Variants in PABPC4L observed in about 807,000 individuals in gnomAD.
The protein encoded by PABPC4L is polyadenylate-binding protein 4-like.
For missense variants in PABPC4L, 452 were observed against 451.4 expected, an observed-to-expected ratio of 1.00 and a Z score of -0.01; for synonymous variants, 169 against 164.1, an observed-to-expected ratio of 1.03 and a Z score of -0.23.
At chr4:134,092,209 T>C in the PABPC4L span, among the ~76,000 whole-genome samples, 1 of 152,008 alleles carries the variant, frequency 6.6e-6, no homozygotes, top group African/African-American at 2.4e-5. Flanking sequence ...CCAATGTTGC[T>C]TTTTCCAAAA....
At chr4:134,017,634 C>G in the PABPC4L span, among the ~76,000 whole-genome samples, 3 of 152,170 alleles carry the variant, frequency 2.0e-5, no homozygotes, top group Non-Finnish European at 4.4e-5. Flanking sequence ...AATTAGATGT[C>G]CTGGGTCTTC....
chr4:133,959,920 CTT>C, the PABPC4L span, among the ~76,000 whole-genome samples: 5 of 152,156 alleles, frequency 3.3e-5, no homozygotes, highest in Non-Finnish European at 5.9e-5. Flanking sequence ...TAAAATGTCT[CTT>C]AATGAATATT....
At chr4:134,027,784 A>G in the PABPC4L span, among the ~76,000 whole-genome samples, 1 of 152,154 alleles carries the variant, frequency 6.6e-6, no homozygotes, top group East Asian at 1.9e-4. Flanking sequence ...ACAATTACAA[A>G]TTGTCAATTT....
chr4:134,171,104 AT>A, the PABPC4L span, among the ~76,000 whole-genome samples: 1 of 151,938 alleles, frequency 6.6e-6, no homozygotes, highest in East Asian at 1.9e-4. Context: ...GATGGTGAGC[AT>A]TTTTTCATAT....
chr4:133,950,455 A>G, the PABPC4L span, among the ~76,000 whole-genome samples: 123 of 152,234 alleles, frequency 8.1e-4, no homozygotes, highest in African/African-American at 2.9e-3. Context: ...ATACTTTTTT[A>G]ACAAGGATAT....
the PABPC4L span, among the ~76,000 whole-genome samples, chr4:134,130,652 T>C: frequency 1.3e-5 from 2 of 151,866 alleles, no homozygotes; most frequent in Admixed American, 1.3e-4. Flanking sequence ...CATAGAGAAA[T>C]AAAGAATCCT....
At chr4:134,024,574 A>G in the PABPC4L span, among the ~76,000 whole-genome samples, 5 of 151,490 alleles carry the variant, frequency 3.3e-5, no homozygotes, top group Admixed American at 6.6e-5. Context: ...TTGGATTAGG[A>G]CCCTATCATA....
the PABPC4L span, among the ~76,000 whole-genome samples, chr4:134,086,913 T>C: frequency 2.0e-5 from 3 of 152,000 alleles, no homozygotes; most frequent in South Asian, 6.2e-4. Flanking sequence ...TAACTCATCA[T>C]CTAGCATTAG....
the PABPC4L span, among the ~76,000 whole-genome samples, chr4:134,121,717 C>T: frequency 6.6e-5 from 10 of 151,814 alleles, no homozygotes; most frequent in African/African-American, 2.4e-4. Flanking sequence ...CCAGCTCCTG[C>T]ACAAGTTAGA....
chr4:133,974,635 C>G, the PABPC4L span, among the ~76,000 whole-genome samples: 1 of 151,976 alleles, frequency 6.6e-6, no homozygotes. Flanking sequence ...TGATAAGGAA[C>G]TTGAATACAG....
chr4:134,038,085 G>A, the PABPC4L span, among the ~76,000 whole-genome samples: 3 of 152,092 alleles, frequency 2.0e-5, no homozygotes, highest in Non-Finnish European at 4.4e-5. Context: ...ATAATTATGT[G>A]ATTTTTGTCA....
the PABPC4L span, among the ~76,000 whole-genome samples, chr4:133,983,113 C>A: frequency 1.3e-5 from 2 of 151,844 alleles, no homozygotes; most frequent in East Asian, 3.9e-4. Context: ...AAAATAAGCT[C>A]CACTGTACTC....
the PABPC4L span, among the ~76,000 whole-genome samples, chr4:134,091,626 AAGAT>A: frequency 1.3e-5 from 2 of 151,876 alleles, no homozygotes; most frequent in African/African-American, 2.4e-5. Context: ...CTTGAAAACT[AAGAT>A]AGATAGACAG....
At chr4:134,129,195 G>C in the PABPC4L span, among the ~76,000 whole-genome samples, 2 of 151,970 alleles carry the variant, frequency 1.3e-5, no homozygotes, top group Admixed American at 6.6e-5. Flanking sequence ...CTATACCTAA[G>C]AAATGAGATA....
chr4:134,145,236 A>G, the PABPC4L span, among the ~76,000 whole-genome samples: 1 of 151,876 alleles, frequency 6.6e-6, no homozygotes, highest in African/African-American at 2.4e-5. Context: ...TATTTATAAC[A>G]ATAAATAAAT....
chr4:133,949,766 C>T, the PABPC4L span, among the ~76,000 whole-genome samples: 169 of 152,208 alleles, frequency 1.1e-3, 7 homozygotes, highest in East Asian at 0.029. Context: ...GGACTGTGAA[C>T]TCAAGAGGCA....
the PABPC4L span, among the ~76,000 whole-genome samples, chr4:134,056,080 T>C: frequency 1.1e-4 from 16 of 152,124 alleles, no homozygotes; most frequent in South Asian, 3.1e-3. Context: ...TATCTTTCCT[T>C]CATTGAAGTG....
chr4:134,015,055 C>T, the PABPC4L span, among the ~76,000 whole-genome samples: 2 of 152,040 alleles, frequency 1.3e-5, no homozygotes, highest in Non-Finnish European at 2.9e-5. Flanking sequence ...CCCACCTTAA[C>T]CCACAAGTAT....
At chr4:134,024,235 A>T in the PABPC4L span, among the ~76,000 whole-genome samples, 1 of 152,124 alleles carries the variant, frequency 6.6e-6, no homozygotes, top group Non-Finnish European at 1.5e-5. Flanking sequence ...TACATAGTTC[A>T]TCAACTCTCT....
Sources: gnomAD v4.1 joint callset for allele counts (sites outside exome capture counted in the v4.1 genomes callset) on GRCh38, gnomAD v4.1.1 for gene constraint, MANE v1.5 for transcripts, NCBI Gene and HGNC (gene_info 2026-07-23, HGNC 2026-07-21) for gene names.